The following PRDM2 variants were observed in gnomAD, a reference collection of about 807,000 sequenced individuals.
The protein encoded by PRDM2 is PR/SET domain 2, also known as PR domain zinc finger protein 2.
A neutral mutation model predicts 130.0 loss-of-function variants in PRDM2; 30 were observed. That is an observed-to-expected ratio of 0.23 (90% confidence interval 0.17 to 0.31). The LOEUF (loss-of-function observed/expected upper bound fraction) is 0.31. Among genes scored for constraint, PRDM2 ranks in the 10% least tolerant of loss-of-function variants. The pLI is 1.00. For missense variants in PRDM2, 2,011 were observed against 2,108.4 expected (o/e 0.95, Z 0.90); for synonymous variants, 871 against 782.4 (o/e 1.11, Z -1.89).
At chr1:13,812,666 C>T (rs909735666) in intron 8 of PRDM2, among the ~76,000 whole-genome samples, 2 of 152,116 alleles carry the variant, frequency 1.3e-5, no homozygotes, top group Non-Finnish European at 2.9e-5. Flanking sequence ...TGGAGCCCTG[C>T]CCAGGAGTTT....
rs773771865 is a variant in PRDM2 at position 13,781,068 on chromosome 1, G to A, written c.3273G>A (p.Leu1091=). ...CTGTTGTTTCCTCTGGTGATAATCTGGAGGCTTCTCTCCCCATGATATCTT... is the reference window on the plus strand; with the variant it reads ...CTGTTGTTTCCTCTGGTGATAATCTAGAGGCTTCTCTCCCCATGATATCTT... The part of the protein sequence containing the change: ...ISSVVSSGDN[L]EASLPMISFK... Residue 1091 remains leucine (L), a synonymous_variant, in exon 8 of 10, where the codon CTG becomes CTA. Coordinates refer to ENST00000311066, the MANE Select transcript of PRDM2 (RefSeq NM_001393986.1). The surrounding 1 kb of genome is among the most constrained non-coding windows in gnomAD (Gnocchi z 6.1). 6.2e-7 allele frequency: 1 copy of A among 1,613,132 alleles called. No homozygotes were observed. Among genetic ancestry groups the A allele is most frequent in the Non-Finnish European group, 8.5e-7 (1 of 1,179,190 alleles).
chr1:13,809,572 C>T (rs1322794934), intron 8 of PRDM2, among the ~76,000 whole-genome samples: 3 of 152,080 alleles, frequency 2.0e-5, no homozygotes, highest in South Asian at 2.1e-4. Context: ...AAGGGGCCTT[C>T]TAGATGTCCA....
intron 2 of PRDM2, among the ~76,000 whole-genome samples, chr1:13,723,508 T>G (rs1436704915): frequency 6.6e-6 from 1 of 152,180 alleles, no homozygotes; most frequent in Non-Finnish European, 1.5e-5. Flanking sequence ...ACGTGACAGA[T>G]TTTGAAGGAT....
Position 13,741,720 on chromosome 1 carries a change from TTGTGTGTG to T in PRDM2, c.232-247_232-240del, listed in dbSNP as rs200384633. Among the ~76,000 whole-genome samples, 130 of 112,592 alleles carry T rather than the reference TTGTGTGTG, an allele frequency of 1.2e-3. 1 individual carries two copies. Among genetic ancestry groups the T allele is most frequent in the South Asian group, 3.9e-3 (13 of 3,322 alleles). The allele number at this position is 112,592 out of a possible 152,430, so 73.9% of individuals were successfully genotyped here. A position where few individuals can be genotyped will look rare whatever the true frequency, so the allele number is the denominator to read the frequency against. On this transcript the variant is annotated intron_variant, in intron 4 of 9. Coordinates refer to ENST00000311066, the MANE Select transcript of PRDM2 (RefSeq NM_001393986.1). The stretch of plus-strand genomic sequence containing the variant: ...GCATGCTGACTATAGCTCTTTAAGT[TTGTGTGTG>T]TGTGTGTGTGTGTGTGTGTGTGTGT...
At position 13,778,746 on chromosome 1, in the gene PRDM2, A is replaced by G; in HGVS notation, c.951A>G (p.Glu317=). Residue 317 remains glutamate (E), a synonymous_variant, in exon 8 of 10, where the codon GAA becomes GAG. Coordinates refer to ENST00000311066, the MANE Select transcript of PRDM2 (RefSeq NM_001393986.1). Reference sequence around the variant, plus strand: ...AAATACGGTGTGATGAGAAGCCAGAAGATTTATTAGAGGAACCAAAAACAA... The same window carrying G: ...AAATACGGTGTGATGAGAAGCCAGAGGATTTATTAGAGGAACCAAAAACAA... ...EPEIRCDEKP[E]DLLEEPKTTS... 1 of 1,614,214 alleles carries G rather than the reference A, an allele frequency of 6.2e-7. No individual in the cohort carries two copies. The highest frequency in any genetic ancestry group is 8.5e-7 in the Non-Finnish European group (1 of 1,180,042).
intron 6 of PRDM2, among the ~76,000 whole-genome samples, chr1:13,756,124 G>A (rs939023064): frequency 4.6e-5 from 7 of 151,536 alleles, no homozygotes; most frequent in South Asian, 2.1e-4. Flanking sequence ...TTAGCTGGGC[G>A]TGGTGGCGGG....
intron 1 of PRDM2, among the ~76,000 whole-genome samples, chr1:13,713,450 G>A (rs184017962): frequency 6.6e-6 from 1 of 152,256 alleles, no homozygotes; most frequent in Non-Finnish European, 1.5e-5. Context: ...TTGGTGAAGG[G>A]GACCTGAGCT....
intron 8 of PRDM2, among the ~76,000 whole-genome samples, chr1:13,785,766 A>G (rs1047437976): frequency 1.0e-4 from 15 of 148,304 alleles, no homozygotes; most frequent in African/African-American, 3.8e-4. Context: ...AGGGAAGGAA[A>G]GAGGTGTATT....
chr1:13,785,372 A>C (rs1644712964), intron 8 of PRDM2, among the ~76,000 whole-genome samples: 2 of 152,252 alleles, frequency 1.3e-5, no homozygotes, highest in South Asian at 2.1e-4. Context: ...GTCCTGTGTT[A>C]TTTCTTTACA....
Position 13,780,077 on chromosome 1 carries a change from C to T in PRDM2, c.2282C>T (p.Ala761Val). ...RDFGKPSDGK[A>V]AWTDAGLTSK... Reference sequence around the variant, plus strand: ...TTTGGAAAGCCAAGTGATGGGAAAGCAGCATGGACCGATGCCGGGCTGACT... The same window carrying T: ...TTTGGAAAGCCAAGTGATGGGAAAGTAGCATGGACCGATGCCGGGCTGACT... The change falls in exon 8 of 10, where the codon GCA becomes GTA. Residue 761 changes from alanine (A) to valine (V), a missense_variant. Physicochemically the swap from Ala to Val is moderately conservative, Grantham distance 64. Around this residue, in one of 5 missense-constraint regions of PRDM2, gnomAD observed 1,288 missense variants for 1,237.7 expected, o/e 1.04. Transcript: ENST00000311066. 2 of 1,614,126 alleles carry T rather than the reference C, an allele frequency of 1.2e-6. No homozygotes were observed. The highest frequency in any genetic ancestry group is 2.2e-5 in the South Asian group (2 of 91,046).
chr1:13,733,302 TG>T (rs2100478964), intron 4 of PRDM2, among the ~76,000 whole-genome samples: 1 of 152,368 alleles, frequency 6.6e-6, no homozygotes, highest in African/African-American at 2.4e-5. Flanking sequence ...GATATTCAGT[TG>T]GATATATTTA....
At chr1:13,752,181 A>G (rs2100548535) in intron 6 of PRDM2, among the ~76,000 whole-genome samples, 1 of 152,336 alleles carries the variant, frequency 6.6e-6, no homozygotes, top group South Asian at 2.1e-4. Context: ...TTGATTGGCA[A>G]TGACTCACAC....
intron 8 of PRDM2, among the ~76,000 whole-genome samples, chr1:13,812,346 G>A (rs566397848): frequency 3.5e-4 from 54 of 152,302 alleles, no homozygotes; most frequent in Non-Finnish European, 6.3e-4. Flanking sequence ...GGGTCTCACA[G>A]GCCCCATGAT....
chr1:13,792,659 A>G (rs1644858606), intron 8 of PRDM2, among the ~76,000 whole-genome samples: 2 of 152,214 alleles, frequency 1.3e-5, no homozygotes, highest in African/African-American at 2.4e-5. Flanking sequence ...TCAACAGCCA[A>G]TCTGAATCAT....
chr1:13,779,294 G>C lies in PRDM2; in HGVS notation c.1499G>C (p.Arg500Pro). The C allele has an allele frequency of 6.2e-7, 1 of 1,613,902 alleles. No homozygotes were observed. The highest frequency in any genetic ancestry group is 8.5e-7 in the Non-Finnish European group (1 of 1,179,876). The change falls in exon 8 of 10, where the codon CGG becomes CCG. Residue 500 changes from arginine to proline, a missense_variant. Physicochemically the swap from Arg to Pro is moderately radical, Grantham distance 103. Around this residue, in one of 5 missense-constraint regions of PRDM2, gnomAD observed 1,288 missense variants for 1,237.7 expected, o/e 1.04. Transcript: ENST00000311066. The surrounding 1 kb of genome is among the most constrained non-coding windows in gnomAD (Gnocchi z 4.9). ...KVFGTHTNMR[R>P]HQRRVHERHL... ...TTTGGAACTCATACTAATATGAGACGGCATCAGCGTAGAGTTCACGAACGT... is the reference window on the plus strand; with the variant it reads ...TTTGGAACTCATACTAATATGAGACCGCATCAGCGTAGAGTTCACGAACGT...
At chr1:13,741,895 T>TA (rs1476438635) in intron 4 of PRDM2, 110 bp from the exon 5 acceptor site, 2 of 832,110 alleles carry the variant, frequency 2.4e-6, no homozygotes, top group Non-Finnish European at 3.8e-6. Context: ...ATGCTTTATA[T>TA]AGAGTACTTG....
chr1:13,820,670 G>A (rs187030731), intron 9 of PRDM2, among the ~76,000 whole-genome samples: 139 of 152,232 alleles, frequency 9.1e-4, no homozygotes, highest in Non-Finnish European at 1.6e-3. Flanking sequence ...CCTGGGAGTG[G>A]GGGGTGTAGA....
intron 5 of PRDM2, among the ~76,000 whole-genome samples, chr1:13,744,875 G>T (rs1643557054): frequency 1.3e-5 from 2 of 152,104 alleles, no homozygotes; most frequent in South Asian, 4.1e-4. Context: ...GTGTCCCGTG[G>T]GTTAGGCTTT....
At chr1:13,766,642 C>G (rs561837788) in intron 6 of PRDM2, among the ~76,000 whole-genome samples, 1 of 152,248 alleles carries the variant, frequency 6.6e-6, no homozygotes, top group Admixed American at 6.5e-5. Context: ...TGGAAATCTC[C>G]CAGTTGGAGT....
Sources: gnomAD v4.1 joint callset for allele counts (sites outside exome capture counted in the v4.1 genomes callset) on GRCh38, gnomAD v4.1.1 for gene constraint, gnomAD v4.1.1 regional missense constraint, Gnocchi (gnomAD v3.1) non-coding constraint, MANE v1.5 for transcripts, NCBI Gene and HGNC (gene_info 2026-07-23, HGNC 2026-07-21) for gene names.